The following EFCAB13 variants were observed in gnomAD, a reference collection of about 807,000 sequenced individuals.
EFCAB13 encodes EF-hand calcium binding domain 13.
Under a neutral mutation model 110.2 loss-of-function variants are expected in EFCAB13, and 91 were observed. That is an observed-to-expected ratio of 0.83 (90% CI 0.70 to 0.98). EFCAB13 has a LOEUF of 0.98. EFCAB13 is among the 50% of genes least tolerant of loss of function. EFCAB13 has a pLI of 0.00. For missense variants in EFCAB13, 968 were observed against 1,119.4 expected (o/e 0.86, Z 1.93); for synonymous variants, 323 against 369.9 (o/e 0.87, Z 1.45).
chr17:47,348,555 A>G (rs35556231), intron 9 of EFCAB13, among the ~76,000 whole-genome samples: 13,336 of 152,004 alleles, frequency 0.088, 843 homozygotes, highest in East Asian at 0.35. Flanking sequence ...ACTAAGATTT[A>G]TTCATATTGT....
intron 17 of EFCAB13, 61 bp downstream of exon 17, chr17:47,396,038 A>G (rs1166754273): frequency 9.8e-6 from 14 of 1,429,902 alleles, no homozygotes; most frequent in East Asian, 2.3e-5. Flanking sequence ...TTTTCTGTCA[A>G]CTCTTGTCAT....
intron 14 of EFCAB13, among the ~76,000 whole-genome samples, chr17:47,390,402 A>T (rs2065700432): frequency 6.6e-6 from 1 of 151,906 alleles, no homozygotes; most frequent in South Asian, 2.1e-4. Flanking sequence ...TTAAGGTGCC[A>T]CCTCTACTTT....
chr17:47,376,547 G>A (rs903739081), intron 12 of EFCAB13, among the ~76,000 whole-genome samples: 3 of 151,346 alleles, frequency 2.0e-5, no homozygotes, highest in East Asian at 3.8e-4. Context: ...TATGGAATAT[G>A]ACTGCCTGTA....
intron 20 of EFCAB13, among the ~76,000 whole-genome samples, chr17:47,407,721 T>G (rs771488842): frequency 6.6e-5 from 10 of 152,186 alleles, no homozygotes; most frequent in Non-Finnish European, 1.5e-4. Flanking sequence ...GTATAAAAAA[T>G]TTCTTCTGAA....
intron 23 of EFCAB13, among the ~76,000 whole-genome samples, chr17:47,425,813 C>T (rs1483265332): frequency 6.6e-6 from 1 of 152,080 alleles, no homozygotes; most frequent in Admixed American, 6.5e-5. Flanking sequence ...CTCACTTATC[C>T]GTGATATCAG....
chr17:47,360,620 T>C (rs2065507379), intron 9 of EFCAB13, among the ~76,000 whole-genome samples: 1 of 152,224 alleles, frequency 6.6e-6, no homozygotes, highest in South Asian at 2.1e-4. Context: ...GCAGAAGCTC[T>C]TTAGTTTAAT....
chr17:47,417,229 AG>A (rs1199430832), intron 23 of EFCAB13, among the ~76,000 whole-genome samples: 2 of 152,216 alleles, frequency 1.3e-5, no homozygotes, highest in Non-Finnish European at 2.9e-5. Context: ...GAGTAGGAAG[AG>A]GAGTTGGTTT....
intron 11 of EFCAB13, among the ~76,000 whole-genome samples, chr17:47,372,072 A>C (rs2065587792): frequency 6.6e-6 from 1 of 152,158 alleles, no homozygotes; most frequent in Non-Finnish European, 1.5e-5. Flanking sequence ...TGGAGATTTT[A>C]ATTCATTTAC....
At chr17:47,361,910 A>G (rs989353198) in intron 10 of EFCAB13, among the ~76,000 whole-genome samples, 9 of 152,092 alleles carry the variant, frequency 5.9e-5, no homozygotes, top group African/African-American at 2.2e-4. Context: ...TGATTAAACA[A>G]TTTTGCTATG....
chr17:47,370,187 G>A (rs1483139871), intron 10 of EFCAB13, among the ~76,000 whole-genome samples: 3 of 152,114 alleles, frequency 2.0e-5, no homozygotes, highest in Admixed American at 6.5e-5. Context: ...ATTAGCATAA[G>A]AGCTTAAAAC....
chr17:47,379,854 C>T (rs1028468022), intron 14 of EFCAB13, among the ~76,000 whole-genome samples: 5 of 152,068 alleles, frequency 3.3e-5, no homozygotes, highest in African/African-American at 7.2e-5. Flanking sequence ...ATGCTAAAAA[C>T]GAAAGATAAG....
intron 14 of EFCAB13, among the ~76,000 whole-genome samples, chr17:47,388,108 C>T (rs2065686489): frequency 6.6e-6 from 1 of 152,198 alleles, no homozygotes; most frequent in Non-Finnish European, 1.5e-5. Flanking sequence ...AATTTTGTGG[C>T]CTGGGGTTGC....
intron 8 of EFCAB13, 76 bp downstream of exon 8, chr17:47,345,174 G>T (rs954410069): frequency 2.4e-5 from 25 of 1,033,698 alleles, no homozygotes; most frequent in Middle Eastern, 4.1e-4. Flanking sequence ...AGCAGTTAGT[G>T]CCTCTTCATC....
Position 47,414,866 on chromosome 17 carries a change from T to C in EFCAB13, c.2441T>C (p.Leu814Ser). Reference protein sequence around the residue: ...CNVSDNMEVDLKDFLMKMKES... With the variant: ...CNVSDNMEVDSKDFLMKMKES... ...CTTCCAGATAATATGGAGGTGGATT[T>C]AAAAGATTTCTTAATGAAAATGAAA... is the stretch of plus-strand genomic sequence containing the variant. The change falls in exon 23 of 25, where the codon TTA becomes TCA. Residue 814 changes from leucine (L) to serine (S), a missense_variant. Physicochemically the swap from Leu to Ser is moderately radical, Grantham distance 145 (BLOSUM62 -2). Coordinates refer to ENST00000331493, the MANE Select transcript of EFCAB13 (RefSeq NM_152347.5). 1 of 1,606,604 alleles carries C rather than the reference T, an allele frequency of 6.2e-7. No homozygotes were observed. The highest frequency in any genetic ancestry group is 8.5e-7 in the Non-Finnish European group (1 of 1,175,038).
chr17:47,398,943 G>A (rs1051341577), intron 17 of EFCAB13, among the ~76,000 whole-genome samples: 5 of 151,970 alleles, frequency 3.3e-5, no homozygotes, highest in South Asian at 2.1e-4. Context: ...TCTTTGGAGG[G>A]GACAAGGTCT....
rs918662845 is a variant in EFCAB13, at chr17:47,429,725, A to C, written c.2495-93A>C. Reference sequence around the variant, plus strand: ...TGTACAATTCTAGAATCAGATCTTCATATTTTATGCAACCTGAGGCTATTA... The same window carrying C: ...TGTACAATTCTAGAATCAGATCTTCCTATTTTATGCAACCTGAGGCTATTA... On this transcript the variant is annotated intron_variant, in intron 23 of 24. Coordinates refer to ENST00000331493, the MANE Select transcript of EFCAB13 (RefSeq NM_152347.5). 8 of 1,394,618 alleles carry C rather than the reference A, an allele frequency of 5.7e-6. No homozygotes were observed. The Admixed American group carries it at 9.5e-5, about 17-fold the overall frequency. 86.4% of individuals were successfully genotyped at this position (1,394,618 alleles called of 1,614,324 possible). A position where few individuals can be genotyped will look rare whatever the true frequency, so the allele number is the denominator to read the frequency against.
chr17:47,351,300 T>TGCGCGCGCGC (rs779958850), intron 9 of EFCAB13, among the ~76,000 whole-genome samples: 1 of 110,592 alleles, frequency 9.0e-6, no homozygotes, highest in African/African-American at 2.8e-5. Context: ...TGTGTGTGTG[T>TGCGCGCGCGC]GTGTGCGCGC....
chr17:47,345,072 G>A lies in EFCAB13; in HGVS notation c.491G>A (p.Gly164Glu). The A allele has an allele frequency of 6.2e-7, 1 of 1,604,632 alleles. No homozygotes were observed. The highest frequency in any genetic ancestry group is 1.1e-5 in the South Asian group (1 of 88,942). Residue 164 changes from glycine to glutamate, a missense_variant, in exon 8 of 25, where the codon GGA becomes GAA. Coordinates refer to ENST00000331493, the MANE Select transcript of EFCAB13 (RefSeq NM_152347.5). ...YMTLYDEVTHGYLHSKELSAL... is the reference protein window; with the variant it reads ...YMTLYDEVTHEYLHSKELSAL... ...ACATTATATGATGAAGTAACCCATG[G>A]ATATTTACACTCAAAAGAATTAAGT...
At chr17:47,370,110 A>G (rs543077833) in intron 10 of EFCAB13, among the ~76,000 whole-genome samples, 1 of 152,228 alleles carries the variant, frequency 6.6e-6, no homozygotes, top group Non-Finnish European at 1.5e-5. Flanking sequence ...TCTAGAAATG[A>G]AGTCAAAAGA....
Sources: allele counts gnomAD v4.1 joint callset (sites outside exome capture counted in the v4.1 genomes callset), GRCh38; gene constraint gnomAD v4.1.1; transcripts MANE v1.5; gene names NCBI Gene and HGNC (gene_info 2026-07-23, HGNC 2026-07-21).